FIP1L1: variants seen among roughly 807,000 people sequenced by gnomAD.
FIP1L1 encodes the protein factor interacting with PAPOLA and CPSF1.
A neutral mutation model predicts 84.6 loss-of-function variants in FIP1L1; 21 were observed. The observed-to-expected ratio is 0.25, with a 90% CI of 0.18 to 0.36. FIP1L1 has a LOEUF of 0.36. Ranked by LOEUF, FIP1L1 falls within the 10% of genes least tolerant of loss-of-function variation. The probability of loss-of-function intolerance (pLI) is 1.00; values close to 1 mark genes in which losing one functional copy is unlikely to be tolerated. For missense variants in FIP1L1, 526 were observed against 751.1 expected (o/e 0.70, Z 3.50); for synonymous variants, 263 against 242.3 (o/e 1.09, Z -0.80).
At chr4:53,430,785 CA>C (rs1303997162) in intron 13 of FIP1L1, among the ~76,000 whole-genome samples, 4 of 152,096 alleles carry the variant, frequency 2.6e-5, no homozygotes, top group African/African-American at 9.7e-5. Flanking sequence ...ACATGCTTTC[CA>C]TATTTTAAAA....
At position 53,428,092 on chromosome 4, in the gene FIP1L1, T is replaced by C. The variant is rs773506064; in HGVS notation, c.1083T>C (p.Pro361=). The change falls in exon 13 of 18, where the codon CCT becomes CCC. Residue 361 remains proline, a synonymous_variant. Coordinates refer to ENST00000337488, the MANE Select transcript of FIP1L1 (RefSeq NM_030917.4). ...TTAGCAAACCACCTCCGTTTTTCCC[T>C]CCAGGAGCTCCTCCCACTCACCTTC... ...NNFSKPPPFF[P]PGAPPTHLPP... is the part of the protein sequence containing the mutation. 1.9e-6 allele frequency: 3 copies of C among 1,610,840 alleles called. No individual in the cohort carries two copies. The highest frequency in any genetic ancestry group is 2.5e-6 in the Non-Finnish European group (3 of 1,177,702).
At chr4:53,396,783 C>T (rs1361985664) in intron 9 of FIP1L1, among the ~76,000 whole-genome samples, 3 of 152,230 alleles carry the variant, frequency 2.0e-5, no homozygotes, top group Non-Finnish European at 4.4e-5. Flanking sequence ...CTTTCATAAA[C>T]ATTAAAACCT....
intron 16 of FIP1L1, among the ~76,000 whole-genome samples, chr4:53,454,449 C>A (rs1268453818): frequency 1.3e-5 from 2 of 152,150 alleles, no homozygotes; most frequent in African/African-American, 4.8e-5. Flanking sequence ...TATACATATA[C>A]CGCAAATTTT....
intron 9 of FIP1L1, among the ~76,000 whole-genome samples, chr4:53,395,467 C>T (rs1578256210): frequency 6.6e-6 from 1 of 152,050 alleles, no homozygotes; most frequent in East Asian, 1.9e-4. Context: ...CCAGGAAGTA[C>T]CTTAGGCTTT....
chr4:53,418,918 G>A (rs1464371682), intron 11 of FIP1L1, among the ~76,000 whole-genome samples: 1 of 152,180 alleles, frequency 6.6e-6, no homozygotes, highest in Non-Finnish European at 1.5e-5. Context: ...ACACTGTACT[G>A]AAAAGATGTG....
intron 9 of FIP1L1, 126 bp from the exon 10 acceptor site, chr4:53,399,604 T>G: frequency 1.6e-6 from 1 of 628,708 alleles, no homozygotes; most frequent in Non-Finnish European, 2.7e-6. Flanking sequence ...TAATAAATAT[T>G]CAGCAAAGGA....
intron 11 of FIP1L1, among the ~76,000 whole-genome samples, chr4:53,417,642 CAAAAAAAAAAAA>C (rs57635694): frequency 4.3e-5 from 2 of 46,360 alleles, no homozygotes; most frequent in South Asian, 6.5e-4. Flanking sequence ...AACTCCTTCT[CAAAAAAAAAAAA>C]AAAAAAAAAA....
intron 16 of FIP1L1, among the ~76,000 whole-genome samples, chr4:53,454,263 A>G (rs1717733712): frequency 6.6e-6 from 1 of 152,244 alleles, no homozygotes; most frequent in African/African-American, 2.4e-5. Flanking sequence ...CAGTGCAGTA[A>G]TATGCTGTAC....
intron 10 of FIP1L1, among the ~76,000 whole-genome samples, chr4:53,404,525 C>A (rs1357655392): frequency 1.3e-5 from 2 of 151,798 alleles, no homozygotes; most frequent in Non-Finnish European, 2.9e-5. Context: ...GCGTATATAC[C>A]CAGTAATGGG....
At chr4:53,431,377 A>G (rs1278853950) in intron 13 of FIP1L1, among the ~76,000 whole-genome samples, 2 of 152,212 alleles carry the variant, frequency 1.3e-5, no homozygotes, top group African/African-American at 4.8e-5. Flanking sequence ...TTTTTAAAGT[A>G]TTGCCTTAAA....
intron 10 of FIP1L1, among the ~76,000 whole-genome samples, chr4:53,404,224 T>C (rs994698916): frequency 1.5e-5 from 2 of 135,170 alleles, no homozygotes; most frequent in Admixed American, 8.4e-5. Flanking sequence ...TGTGTTCTCA[T>C]TGTTCAATTC....
intron 15 of FIP1L1, among the ~76,000 whole-genome samples, chr4:53,444,742 G>T (rs980735026): frequency 2.0e-5 from 3 of 151,858 alleles, no homozygotes; most frequent in Admixed American, 2.0e-4. Context: ...TCACCATGCC[G>T]GGCTAATTTT....
Position 53,428,018 on chromosome 4 carries a change from T to C in FIP1L1, c.1018-9T>C. 6.3e-7 allele frequency: 1 copy of C among 1,596,692 alleles called. No homozygotes were observed. The highest frequency in any genetic ancestry group is 1.1e-5 in the South Asian group (1 of 88,446). On this transcript the variant is annotated splice_polypyrimidine_tract_variant and intron_variant, in intron 12 of 17. Transcript: ENST00000337488. ...TGCATCTGTTTAATTAACTGTGCTC[T>C]AATTTTAGGTCCTTTCTGAAAGATC... is the stretch of plus-strand genomic sequence containing the variant.
At chr4:53,447,860 G>A (rs1244957086) in intron 15 of FIP1L1, among the ~76,000 whole-genome samples, 7 of 151,942 alleles carry the variant, frequency 4.6e-5, no homozygotes, top group Non-Finnish European at 8.8e-5. Flanking sequence ...TGCATGAAAC[G>A]AAGTTTTGAC....
intron 15 of FIP1L1, among the ~76,000 whole-genome samples, chr4:53,451,673 G>A (rs1399770219): frequency 1.3e-5 from 2 of 149,964 alleles, no homozygotes; most frequent in Non-Finnish European, 3.0e-5. Flanking sequence ...TCAATACAGA[G>A]ACTTTAGAAT....
intron 13 of FIP1L1, among the ~76,000 whole-genome samples, chr4:53,431,575 T>C (rs1007043076): frequency 6.6e-6 from 1 of 150,760 alleles, no homozygotes; most frequent in Non-Finnish European, 1.5e-5. Flanking sequence ...ATAGTAATGA[T>C]ATTTTATTCT....
intron 12 of FIP1L1, 117 bp from the exon 13 acceptor site, chr4:53,427,910 T>G (rs1410415918): frequency 3.5e-6 from 3 of 848,404 alleles, no homozygotes; most frequent in Non-Finnish European, 5.3e-6. Context: ...CAAAAATACA[T>G]ATATGTGAAT....
intron 4 of FIP1L1, among the ~76,000 whole-genome samples, chr4:53,383,531 G>A (rs1273863918): frequency 1.3e-5 from 2 of 152,060 alleles, no homozygotes; most frequent in South Asian, 2.1e-4. Context: ...GCATGGTGGC[G>A]GGCACCTGTA....
intron 13 of FIP1L1, among the ~76,000 whole-genome samples, chr4:53,433,865 A>G (rs1767863394): frequency 6.6e-6 from 1 of 152,080 alleles, no homozygotes; most frequent in Non-Finnish European, 1.5e-5. Context: ...CTAATCATCT[A>G]GTACTACTAA....
Sources: gnomAD v4.1 joint callset for allele counts (sites outside exome capture counted in the v4.1 genomes callset) on GRCh38, gnomAD v4.1.1 for gene constraint, MANE v1.5 for transcripts, NCBI Gene and HGNC (gene_info 2026-07-23, HGNC 2026-07-21) for gene names.